SYNGR1: variants seen among roughly 807,000 people sequenced by gnomAD.
SYNGR1 encodes the protein synaptogyrin 1, also known as synaptogyrin-1.
A neutral mutation model predicts 26.1 loss-of-function variants in SYNGR1; 14 were observed. That is an observed-to-expected ratio of 0.54 (90% confidence interval 0.35 to 0.84). SYNGR1 has a LOEUF of 0.84. SYNGR1 is among the 40% of genes least tolerant of loss of function. SYNGR1 has a pLI of 0.01. For missense variants in SYNGR1, 319 were observed against 332.9 expected, an observed-to-expected ratio of 0.96 and a Z score of 0.33; for synonymous variants, 141 against 150.1, an observed-to-expected ratio of 0.94 and a Z score of 0.44.
At position 39,382,069 on chromosome 22, in the gene SYNGR1, C is replaced by T; in HGVS notation, c.*155C>T. 1.3e-6 allele frequency: 1 copy of T among 785,202 alleles called. No individual in the cohort carries two copies. Among genetic ancestry groups the T allele is most frequent in the Non-Finnish European group, 2.1e-6 (1 of 475,964 alleles). 48.6% of individuals were successfully genotyped at this position (785,202 alleles called of 1,614,324 possible). On this transcript the variant is annotated 3_prime_UTR_variant, in exon 4 of 4. Transcript: ENST00000328933. ...AGCTCGGGGCAGGGGTGGGGCAGTC[C>T]AGTGTTGGGGACTGTCTACGTATGT...
intron 1 of SYNGR1, among the ~76,000 whole-genome samples, chr22:39,370,882 A>C (rs1486844387): frequency 6.6e-6 from 1 of 152,016 alleles, no homozygotes; most frequent in African/African-American, 2.4e-5. Flanking sequence ...TGGTCTCCCA[A>C]AGTGCTGGGA....
At chr22:39,362,416 C>CG (rs1555940582) in intron 1 of SYNGR1, among the ~76,000 whole-genome samples, 6 of 151,416 alleles carry the variant, frequency 4.0e-5, no homozygotes, top group African/African-American at 9.7e-5. Flanking sequence ...CGGTGTGAGG[C>CG]GGGGTGGGGG....
Position 39,382,732 on chromosome 22 carries a change from G to C in SYNGR1, c.*818G>C, listed in dbSNP as rs1925538992. The C allele has an allele frequency of 6.5e-6, 1 of 152,992 alleles. No individual in the cohort carries two copies. Among genetic ancestry groups the C allele is most frequent in the East Asian group, 1.9e-4 (1 of 5,278 alleles). 9.5% of individuals were successfully genotyped at this position (152,992 alleles called of 1,614,324 possible). A position where few individuals can be genotyped will look rare whatever the true frequency, so the allele number is the denominator to read the frequency against. ...AGCTGTTCCTCCTCCCCTGGGGACA[G>C]CCCCACCTCCGGGTCCCTCCACCCA... On this transcript the variant is annotated 3_prime_UTR_variant, in exon 4 of 4. Transcript: ENST00000328933.
In SYNGR1 at chr22:39,368,898, G is replaced by A. The variant is rs914085625; in HGVS notation, c.100-5418G>A. Among the ~76,000 whole-genome samples the A allele has an allele frequency of 2.0e-5, 3 of 152,212 alleles. 1 individual carries two copies. Among genetic ancestry groups the A allele is most frequent in the South Asian group, 4.1e-4 (2 of 4,834 alleles). On this transcript the variant is annotated intron_variant, in intron 1 of 3. Coordinates refer to ENST00000328933, the MANE Select transcript of SYNGR1 (RefSeq NM_004711.5). Reference sequence around the variant, plus strand: ...TGGGGCCTTGAGAGAGGAAATGAACGTTATGCAGCCCCTATGGGGCTTCCA... The same window carrying A: ...TGGGGCCTTGAGAGAGGAAATGAACATTATGCAGCCCCTATGGGGCTTCCA...
intron 1 of SYNGR1, among the ~76,000 whole-genome samples, chr22:39,365,756 AT>A (rs1192246954): frequency 1.3e-5 from 2 of 151,892 alleles, no homozygotes; most frequent in African/African-American, 2.4e-5. Flanking sequence ...GGGATGTGGC[AT>A]TTGCAGGCGA....
intron 2 of SYNGR1, chr22:39,374,812 C>G (rs1383433493): frequency 1.8e-6 from 1 of 551,492 alleles, no homozygotes; most frequent in East Asian, 3.1e-5. Flanking sequence ...CTAAGGGACC[C>G]ATGGATGGCA....
intron 1 of SYNGR1, among the ~76,000 whole-genome samples, chr22:39,369,374 T>C (rs17001013): frequency 0.027 from 4,085 of 152,200 alleles, 135 homozygotes; most frequent in African/African-American, 0.073. Context: ...TGACAATGGC[T>C]CTGTCCTGAC....
chr22:39,351,258 G>T (rs1458306609), intron 1 of SYNGR1, among the ~76,000 whole-genome samples: 1 of 152,218 alleles, frequency 6.6e-6, no homozygotes, highest in Admixed American at 6.5e-5. Flanking sequence ...GGCCAGCTGT[G>T]ACCTCAGGGT....
Position 39,374,334 on chromosome 22 carries a change from T to G in SYNGR1, c.118T>G (p.Phe40Val). 6.2e-7 allele frequency: 1 copy of G among 1,613,982 alleles called. No homozygotes were observed. The highest frequency in any genetic ancestry group is 8.5e-7 in the Non-Finnish European group (1 of 1,180,018). The change falls in exon 2 of 4, where the codon TTC becomes GTC. Residue 40 changes from phenylalanine to valine, a missense_variant. Phe to Val is a conservative substitution (Grantham distance 50). Coordinates refer to ENST00000328933, the MANE Select transcript of SYNGR1 (RefSeq NM_004711.5). ...CCGACAGCTGTTCTCCATAGTGGTG[T>G]TCGGCTCCATCGTGAACGAGGGCTA... ...VVSWLFSIVV[F>V]GSIVNEGYLN...
At chr22:39,357,234 C>T (rs1424567626) in intron 1 of SYNGR1, among the ~76,000 whole-genome samples, 1 of 151,964 alleles carries the variant, frequency 6.6e-6, no homozygotes, top group Non-Finnish European at 1.5e-5. Context: ...CCACTGCATT[C>T]CAGCCAGGCA....
At chr22:39,359,242 CCCAG>C (rs2145610672) in intron 1 of SYNGR1, among the ~76,000 whole-genome samples, 1 of 152,250 alleles carries the variant, frequency 6.6e-6, no homozygotes, top group African/African-American at 2.4e-5. Flanking sequence ...GACATTGTCC[CCCAG>C]CTTTGAATCT....
intron 1 of SYNGR1, among the ~76,000 whole-genome samples, chr22:39,353,784 T>G (rs1924021281): frequency 6.6e-6 from 1 of 152,212 alleles, no homozygotes; most frequent in South Asian, 2.1e-4. Flanking sequence ...ACCTTTTATT[T>G]GGAGTTTATA....
chr22:39,373,566 TC>T (rs1182942002), intron 1 of SYNGR1, among the ~76,000 whole-genome samples: 4 of 152,070 alleles, frequency 2.6e-5, no homozygotes, highest in Admixed American at 1.3e-4. Flanking sequence ...CACTACAACC[TC>T]CACCTCCTGG....
At chr22:39,355,630 C>T (rs1419348655) in intron 1 of SYNGR1, among the ~76,000 whole-genome samples, 2 of 152,196 alleles carry the variant, frequency 1.3e-5, no homozygotes. Context: ...AGAGCGGGAC[C>T]TTGGAAAACC....
Position 39,350,892 on chromosome 22 carries a change from C to T in SYNGR1, c.99+783C>T, listed in dbSNP as rs1569172223. Among the ~76,000 whole-genome samples the T allele has an allele frequency of 6.6e-6, 1 of 152,140 alleles. No homozygotes were observed. Among genetic ancestry groups the T allele is most frequent in the Admixed American group, 6.5e-5 (1 of 15,286 alleles). On this transcript the variant is annotated intron_variant, in intron 1 of 3. Coordinates refer to ENST00000328933, the MANE Select transcript of SYNGR1 (RefSeq NM_004711.5). The surrounding 1 kb of genome is among the most constrained non-coding windows in gnomAD (Gnocchi z 4.3). ...GCACCTGGATGCCCAAGGCGGGTGT[C>T]TGGGAGAAAGGTCTGCTCCCACAGT...
intron 1 of SYNGR1, among the ~76,000 whole-genome samples, chr22:39,362,038 A>C (rs1171100162): frequency 7.1e-6 from 1 of 140,800 alleles, no homozygotes; most frequent in Non-Finnish European, 1.5e-5. Context: ...TGTAGAGACG[A>C]GGCCTCACTA....
At position 39,367,842 on chromosome 22, in the gene SYNGR1, A is replaced by C. The variant is rs1391017044; in HGVS notation, c.100-6474A>C. ...TGTCTCAAAAAAAAAAAAAAAAAAA[A>C]CAAAGTCCCCACCACAGCAGCTCAC... On this transcript the variant is annotated intron_variant, in intron 1 of 3. Transcript: ENST00000328933. Among the ~76,000 whole-genome samples the C allele has an allele frequency of 5.3e-5, 8 of 150,606 alleles. No homozygotes were observed. The East Asian group carries it at 9.7e-4, about 18-fold the overall frequency.
At chr22:39,378,466 T>C in intron 3 of SYNGR1, 1 of 985,118 alleles carries the variant, frequency 1.0e-6, no homozygotes, top group African/African-American at 1.7e-5. Flanking sequence ...ATGTGATGAA[T>C]CCTTGTTCCT....
Position 39,362,357 on chromosome 22 carries a change from C to T in SYNGR1, c.100-11959C>T, listed in dbSNP as rs544795183. Among the ~76,000 whole-genome samples the T allele has an allele frequency of 1.1e-4, 16 of 152,152 alleles. No homozygotes were observed. The East Asian group carries it at 1.6e-3, about 15-fold the overall frequency. On this transcript the variant is annotated intron_variant, in intron 1 of 3. Coordinates refer to ENST00000328933, the MANE Select transcript of SYNGR1 (RefSeq NM_004711.5). The stretch of plus-strand genomic sequence containing the variant: ...ACCGAGCACTCGGGGCGACAGCTTG[C>T]GGAGATTACGCCTAATCCCCAGTGG...
Sources: gnomAD v4.1 joint callset for allele counts (sites outside exome capture counted in the v4.1 genomes callset) on GRCh38, gnomAD v4.1.1 for gene constraint, Gnocchi (gnomAD v3.1) non-coding constraint, MANE v1.5 for transcripts, NCBI Gene and HGNC (gene_info 2026-07-23, HGNC 2026-07-21) for gene names.